Variants in PLCB1 observed in about 807,000 individuals in gnomAD.
PLCB1 encodes the protein phospholipase C beta 1, also known as 1-phosphatidylinositol 4,5-bisphosphate phosphodiesterase beta-1.
Under a neutral mutation model 161.8 loss-of-function variants are expected in PLCB1, and 46 were observed. The ratio of observed to expected loss-of-function variants is 0.28; its 90% CI spans 0.22 to 0.36. The LOEUF is 0.36. Ranked by LOEUF, PLCB1 falls within the 10% of genes least tolerant of loss-of-function variation. PLCB1 has a pLI of 1.00. For synonymous variants in PLCB1, 517 were observed against 503.7 expected (o/e 1.03, Z -0.35); for missense variants, 1,016 against 1,472.5 (o/e 0.69, Z 5.07).
chr20:8,879,983 G>A (rs73605773), intron 31 of PLCB1, among the ~76,000 whole-genome samples: 2,238 of 152,176 alleles, frequency 0.015, 61 homozygotes, highest in African/African-American at 0.052. Context: ...TAACCACCTT[G>A]GCATCCCCCA....
At chr20:8,664,466 T>C (rs1013723558) in intron 9 of PLCB1, among the ~76,000 whole-genome samples, 3 of 152,118 alleles carry the variant, frequency 2.0e-5, no homozygotes, top group East Asian at 3.9e-4. Flanking sequence ...CCCTATTGCA[T>C]TTTCAATATA....
At position 8,239,056 on chromosome 20, in the gene PLCB1, G is replaced by A. The variant is rs535854836; in HGVS notation, c.177+88685G>A. ...ACACTGAAATACAGGAAAAAGAGGG[G>A]ATAGTTGAGTAAACAGAAAGAACCC... On this transcript the variant is annotated intron_variant, in intron 2 of 31. Transcript: ENST00000338037. Among the ~76,000 whole-genome samples the A allele has an allele frequency of 4.6e-5, 7 of 152,078 alleles. No homozygotes were observed. In the South Asian group the frequency reaches 1.2e-3, roughly 27 times the overall value.
intron 2 of PLCB1, among the ~76,000 whole-genome samples, chr20:8,267,482 A>G (rs2743175): frequency 0.038 from 5,836 of 152,054 alleles, 365 homozygotes; most frequent in African/African-American, 0.13. Flanking sequence ...CCACAGCCTT[A>G]CTCAGCTCTG....
At chr20:8,344,889 T>C (rs1157672742) in intron 2 of PLCB1, among the ~76,000 whole-genome samples, 6 of 152,196 alleles carry the variant, frequency 3.9e-5, no homozygotes, top group African/African-American at 1.2e-4. Context: ...AGAAAAGATA[T>C]AAGCATTGGT....
rs545264919 is a variant in PLCB1 at position 8,207,737 on chromosome 20, C to T, written c.177+57366C>T. ...CTGAAACTAGAGTCATGCACCACAA[C>T]GCCCAACTAATTTTTTAATATTTAG... On this transcript the variant is annotated intron_variant, in intron 2 of 31. Transcript: ENST00000338037. Among the ~76,000 whole-genome samples the T allele has an allele frequency of 1.1e-4, 16 of 152,116 alleles. No homozygotes were observed. The South Asian group carries it at 2.1e-3, about 20-fold the overall frequency.
At chr20:8,797,918 G>A (rs1239110442) in intron 31 of PLCB1, among the ~76,000 whole-genome samples, 1 of 152,184 alleles carries the variant, frequency 6.6e-6, no homozygotes, top group Non-Finnish European at 1.5e-5. Flanking sequence ...TAATGGCCAG[G>A]CATGGTGGCT....
intron 27 of PLCB1, among the ~76,000 whole-genome samples, chr20:8,775,073 C>CTTTTT (rs71184112): frequency 3.2e-5 from 4 of 123,930 alleles, no homozygotes; most frequent in African/African-American, 6.2e-5. Context: ...CAAATTTTCC[C>CTTTTT]TTTTTTTTTT....
chr20:8,859,070 G>A (rs1987166003), intron 31 of PLCB1, among the ~76,000 whole-genome samples: 1 of 152,132 alleles, frequency 6.6e-6, no homozygotes, highest in South Asian at 2.1e-4. Context: ...GAAGCCCTGA[G>A]GTTGGTGGCC....
At chr20:8,459,203 A>T (rs1356634972) in intron 3 of PLCB1, among the ~76,000 whole-genome samples, 1 of 152,156 alleles carries the variant, frequency 6.6e-6, no homozygotes, top group Non-Finnish European at 1.5e-5. Flanking sequence ...TCCGAGGAAA[A>T]GTTTTGGCTA....
intron 2 of PLCB1, among the ~76,000 whole-genome samples, chr20:8,313,017 T>C (rs1263215861): frequency 1.3e-5 from 2 of 152,112 alleles, no homozygotes; most frequent in Non-Finnish European, 2.9e-5. Context: ...TAATAAAATG[T>C]GAAAGGAAAG....
intron 3 of PLCB1, among the ~76,000 whole-genome samples, chr20:8,466,441 T>C (rs1981827848): frequency 6.6e-6 from 1 of 151,694 alleles, no homozygotes; most frequent in Non-Finnish European, 1.5e-5. Context: ...ACCTGCACAT[T>C]GTGCACATGT....
At chr20:8,386,858 C>T (rs930286479) in intron 3 of PLCB1, among the ~76,000 whole-genome samples, 2 of 152,242 alleles carry the variant, frequency 1.3e-5, no homozygotes, top group African/African-American at 2.4e-5. Flanking sequence ...TCACCTTGCA[C>T]TTGTATGTTA....
At chr20:8,520,618 A>T (rs970015776) in intron 3 of PLCB1, among the ~76,000 whole-genome samples, 6 of 152,194 alleles carry the variant, frequency 3.9e-5, no homozygotes, top group African/African-American at 1.4e-4. Context: ...CCAGATCAAG[A>T]TATGGAATGT....
In PLCB1 at chr20:8,541,600, G is replaced by GAAAGAAAGAAAGAAAGAAAGAAAT. The variant is rs1292981718; in HGVS notation, c.247-86686_247-86685insAAAGAAAGAAAGAAATAAAGAAAG. ...AGAAAGAAAGAAAGAAAGAAAGAAA[G>GAAAGAAAGAAAGAAAGAAAGAAAT]AAAGAAAGGAAGGAAGATAGTAATG... On this transcript the variant is annotated intron_variant, in intron 3 of 31. Coordinates refer to ENST00000338037, the MANE Select transcript of PLCB1 (RefSeq NM_015192.4). Among the ~76,000 whole-genome samples the GAAAGAAAGAAAGAAAGAAAGAAAT allele has an allele frequency of 1.5e-3, 225 of 150,762 alleles. 1 individual carries two copies. Among genetic ancestry groups the GAAAGAAAGAAAGAAAGAAAGAAAT allele is most frequent in the African/African-American group, 2.6e-3 (106 of 41,142 alleles).
chr20:8,335,272 T>C (rs1196411389), intron 2 of PLCB1, among the ~76,000 whole-genome samples: 1 of 152,208 alleles, frequency 6.6e-6, no homozygotes, highest in Non-Finnish European at 1.5e-5. Flanking sequence ...TCCTGATGTC[T>C]CACCCAGCCA....
At chr20:8,523,137 C>T (rs1428499153) in intron 3 of PLCB1, among the ~76,000 whole-genome samples, 1 of 151,948 alleles carries the variant, frequency 6.6e-6, no homozygotes, top group Non-Finnish European at 1.5e-5. Context: ...GTCATATAAT[C>T]CTTGGACAAA....
chr20:8,772,660 C>T (rs1202919836), intron 26 of PLCB1, among the ~76,000 whole-genome samples: 2 of 152,052 alleles, frequency 1.3e-5, no homozygotes, highest in Admixed American at 6.6e-5. Flanking sequence ...AGGCCGGGCG[C>T]GGTGGCTCAT....
chr20:8,408,401 G>A (rs998856115), intron 3 of PLCB1, among the ~76,000 whole-genome samples: 1 of 151,458 alleles, frequency 6.6e-6, no homozygotes. Context: ...CACTCCAGCA[G>A]CCTGGGCAAG....
At chr20:8,567,499 G>GA (rs1351997760) in intron 3 of PLCB1, among the ~76,000 whole-genome samples, 3 of 152,044 alleles carry the variant, frequency 2.0e-5, no homozygotes, top group Non-Finnish European at 4.4e-5. Flanking sequence ...GATCTTGATG[G>GA]AAAATCTCTC....
Sources: allele counts gnomAD v4.1 joint callset (sites outside exome capture counted in the v4.1 genomes callset), GRCh38; gene constraint gnomAD v4.1.1; transcripts MANE v1.5; gene names NCBI Gene and HGNC (gene_info 2026-07-23, HGNC 2026-07-21).